The following CMC1 variants were observed in gnomAD, a reference collection of about 807,000 sequenced individuals.
CMC1 encodes C-X9-C motif containing 1, also known as COX assembly mitochondrial protein homolog.
A neutral mutation model predicts 14.1 loss-of-function variants in CMC1; 14 were observed. That is an observed-to-expected ratio of 0.99 (90% CI 0.66 to 1.55). The LOEUF (loss-of-function observed/expected upper bound fraction) is 1.55, where lower values mean the gene tolerates loss of function less well. Among genes scored for constraint, CMC1 ranks in the 40% most tolerant of loss-of-function variants. CMC1 has a pLI of 0.00. For synonymous variants in CMC1, 50 were observed against 38.4 expected (o/e 1.30, Z -1.12); for missense variants, 127 against 123.8 (o/e 1.03, Z -0.12).
chr3:28,291,464 A>C (rs1559428712), intron 2 of CMC1, among the ~76,000 whole-genome samples: 1 of 151,940 alleles, frequency 6.6e-6, no homozygotes, highest in African/African-American at 2.4e-5. Context: ...TTATGTTTCT[A>C]ATATATTTAT....
chr3:28,300,149 T>C (rs192976627), intron 2 of CMC1, among the ~76,000 whole-genome samples: 17 of 152,290 alleles, frequency 1.1e-4, no homozygotes, highest in Non-Finnish European at 2.4e-4. Context: ...TATCACGTTA[T>C]CATTGTCAGA....
intron 2 of CMC1, among the ~76,000 whole-genome samples, chr3:28,299,751 CT>C (rs1013635799): frequency 6.6e-6 from 1 of 151,758 alleles, no homozygotes. Context: ...TCTTAGTTTA[CT>C]TTTTTTTATG....
intron 2 of CMC1, among the ~76,000 whole-genome samples, chr3:28,270,004 A>G (rs1700203955): frequency 1.3e-5 from 2 of 152,146 alleles, no homozygotes; most frequent in African/African-American, 2.4e-5. Context: ...GCTCCCACTT[A>G]TAAGTGAGAA....
At chr3:28,264,192 CT>C (rs1699888626) in intron 2 of CMC1, among the ~76,000 whole-genome samples, 1 of 152,176 alleles carries the variant, frequency 6.6e-6, no homozygotes, top group Admixed American at 6.6e-5. Context: ...TACTTCTTCA[CT>C]TTCCCTGTGG....
At chr3:28,262,308 A>G (rs1439235494) in intron 1 of CMC1, among the ~76,000 whole-genome samples, 2 of 151,968 alleles carry the variant, frequency 1.3e-5, no homozygotes, top group African/African-American at 4.8e-5. Context: ...AGGTCTTTGT[A>G]TTTGCCTCAG....
chr3:28,273,671 C>T (rs1327855133), intron 2 of CMC1, among the ~76,000 whole-genome samples: 1 of 151,980 alleles, frequency 6.6e-6, no homozygotes, highest in Non-Finnish European at 1.5e-5. Context: ...TTTTCTGTCT[C>T]GATGATCTGT....
In CMC1 at chr3:28,322,806, G is replaced by A. The variant is rs1703227773; in HGVS notation, c.*3177G>A. The A allele has an allele frequency of 6.6e-6, 1 of 151,334 alleles. No homozygotes were observed. Among genetic ancestry groups the A allele is most frequent in the Non-Finnish European group, 1.5e-5 (1 of 67,364 alleles). The allele number at this position is 151,334 out of a possible 1,614,324, so 9.4% of individuals were successfully genotyped here. The stretch of plus-strand genomic sequence containing the variant: ...TGGCGAACATTGTCTATGTATGTAT[G>A]CTATTCAGTAATACAGTAGAAGAGA... On this transcript the variant is annotated 3_prime_UTR_variant, in exon 4 of 4. Coordinates refer to ENST00000466830, the MANE Select transcript of CMC1 (RefSeq NM_182523.2).
At chr3:28,294,033 G>T (rs1354203097) in intron 2 of CMC1, among the ~76,000 whole-genome samples, 2 of 152,064 alleles carry the variant, frequency 1.3e-5, no homozygotes, top group African/African-American at 4.8e-5. Context: ...TATTTTCGAA[G>T]AACTCATTTT....
rs566155628 is a variant in CMC1 at position 28,251,156 on chromosome 3, A to G, written c.19+9344A>G. On this transcript the variant is annotated intron_variant, in intron 1 of 3. Transcript: ENST00000466830. ...TTTAGCTCACAGTTCTGCAAGCTATACAGGAAGCATGGCATCTGCTTGGCT... is the reference window on the plus strand; with the variant it reads ...TTTAGCTCACAGTTCTGCAAGCTATGCAGGAAGCATGGCATCTGCTTGGCT... 1.1e-3 allele frequency among the ~76,000 whole-genome samples: 168 copies of G among 152,302 alleles called. 1 individual carries two copies. Among genetic ancestry groups the G allele is most frequent in the Non-Finnish European group, 1.9e-3 (130 of 68,032 alleles).
intron 2 of CMC1, among the ~76,000 whole-genome samples, chr3:28,297,738 G>A (rs1311015069): frequency 6.6e-6 from 1 of 151,890 alleles, no homozygotes; most frequent in Non-Finnish European, 1.5e-5. Flanking sequence ...TTAGAAAAAA[G>A]GTAAATCCTC....
chr3:28,303,458 C>T lies in CMC1; in HGVS notation c.110-12875C>T, dbSNP rs1488360800. Among the ~76,000 whole-genome samples, 8 of 152,106 alleles carry T rather than the reference C, an allele frequency of 5.3e-5. No homozygotes were observed. In the South Asian group the frequency reaches 1.5e-3, roughly 28 times the overall value. Reference sequence around the variant, plus strand: ...CTGAGATAATGAATCTCAGTATCCTCCTGAAACTTTTTAATTTTGCTATGA... The same window carrying T: ...CTGAGATAATGAATCTCAGTATCCTTCTGAAACTTTTTAATTTTGCTATGA... On this transcript the variant is annotated intron_variant, in intron 2 of 3. Coordinates refer to ENST00000466830, the MANE Select transcript of CMC1 (RefSeq NM_182523.2).
At chr3:28,288,920 A>G (rs1203228915) in intron 2 of CMC1, among the ~76,000 whole-genome samples, 1 of 151,766 alleles carries the variant, frequency 6.6e-6, no homozygotes. Flanking sequence ...TGTAAACTGT[A>G]GCATTTTATA....
At chr3:28,282,724 T>C (rs1700963270) in intron 2 of CMC1, among the ~76,000 whole-genome samples, 1 of 152,202 alleles carries the variant, frequency 6.6e-6, no homozygotes, top group African/African-American at 2.4e-5. Context: ...TTACCTGTGT[T>C]ATTATCTTTA....
chr3:28,303,148 G>A (rs536628595), intron 2 of CMC1, among the ~76,000 whole-genome samples: 1 of 152,250 alleles, frequency 6.6e-6, no homozygotes, highest in African/African-American at 2.4e-5. Context: ...AAAGTACCTA[G>A]TATAGTAGTG....
chr3:28,294,242 G>A (rs1017575118), intron 2 of CMC1, among the ~76,000 whole-genome samples: 60 of 152,206 alleles, frequency 3.9e-4, no homozygotes, highest in African/African-American at 1.4e-3. Flanking sequence ...ATTGCAGTCA[G>A]GAGAACCTTA....
chr3:28,250,619 A>G (rs986257487), intron 1 of CMC1, among the ~76,000 whole-genome samples: 2 of 152,198 alleles, frequency 1.3e-5, no homozygotes, highest in Admixed American at 1.3e-4. Context: ...TTTTTCAGGT[A>G]AGAAGGGTAA....
chr3:28,302,270 A>G (rs775142058), intron 2 of CMC1, among the ~76,000 whole-genome samples: 2 of 152,190 alleles, frequency 1.3e-5, no homozygotes, highest in African/African-American at 2.4e-5. Context: ...GAGAGAAGGC[A>G]AAGCATCTAC....
intron 2 of CMC1, among the ~76,000 whole-genome samples, chr3:28,303,672 TAAATC>T (rs1235332130): frequency 6.6e-6 from 1 of 152,076 alleles, no homozygotes; most frequent in Non-Finnish European, 1.5e-5. Context: ...TAGAGTGAGT[TAAATC>T]AACTAAAAGC....
chr3:28,308,078 A>G (rs939544851), intron 2 of CMC1, among the ~76,000 whole-genome samples: 1 of 152,148 alleles, frequency 6.6e-6, no homozygotes, highest in Non-Finnish European at 1.5e-5. Context: ...GCCTTCCCAG[A>G]TAACCTCCCT....
Sources: allele counts gnomAD v4.1 joint callset (sites outside exome capture counted in the v4.1 genomes callset), GRCh38; gene constraint gnomAD v4.1.1; transcripts MANE v1.5; gene names NCBI Gene and HGNC (gene_info 2026-07-23, HGNC 2026-07-21).